BTBD8: variants seen among roughly 807,000 people sequenced by gnomAD.
The protein encoded by BTBD8 is BTB domain containing 8, also known as BTB/POZ domain-containing protein 8.
BTBD8 carries 110 observed loss-of-function variants against 162.9 expected under a neutral mutation model. The ratio of observed to expected loss-of-function variants is 0.68; its 90% CI spans 0.58 to 0.79. BTBD8 has a LOEUF of 0.79. Ranked by LOEUF, BTBD8 falls within the 30% of genes least tolerant of loss-of-function variation. BTBD8 has a pLI of 0.00. For missense variants in BTBD8, 1,905 were observed against 2,085.4 expected (o/e 0.91, Z 1.68); for synonymous variants, 667 against 716.1 (o/e 0.93, Z 1.10).
At chr1:92,110,546 C>T (rs772064844) in intron 4 of BTBD8, among the ~76,000 whole-genome samples, 1 of 152,116 alleles carries the variant, frequency 6.6e-6, no homozygotes, top group Non-Finnish European at 1.5e-5. Context: ...TTGTTGTGGA[C>T]CTCTGTAACA....
intron 2 of BTBD8, among the ~76,000 whole-genome samples, chr1:92,094,298 A>G (rs1648392947): frequency 6.6e-6 from 1 of 152,200 alleles, no homozygotes; most frequent in Admixed American, 6.5e-5. Flanking sequence ...TGTCTTGCAT[A>G]TAGAAAGCAC....
At chr1:92,116,187 G>A (rs1601023) in intron 4 of BTBD8, among the ~76,000 whole-genome samples, 1 of 151,748 alleles carries the variant, frequency 6.6e-6, no homozygotes, top group African/African-American at 2.4e-5. Context: ...TTAATTCCAT[G>A]GTGGTCATAG....
intron 16 of BTBD8, among the ~76,000 whole-genome samples, chr1:92,178,654 CTGT>C (rs1207132314): frequency 1.3e-5 from 2 of 151,960 alleles, no homozygotes; most frequent in African/African-American, 4.8e-5. Flanking sequence ...TTTTGTTGTT[CTGT>C]TGTTGTTATT....
At chr1:92,168,320 G>A (rs1447001083) in intron 11 of BTBD8, among the ~76,000 whole-genome samples, 1 of 13,968 alleles carries the variant, frequency 7.2e-5, no homozygotes, top group Non-Finnish European at 1.2e-4. Context: ...GATATAAAAT[G>A]TATATTTTAG....
At chr1:92,082,890 A>G (rs1296411861) in intron 1 of BTBD8, among the ~76,000 whole-genome samples, 1 of 152,148 alleles carries the variant, frequency 6.6e-6, no homozygotes, top group East Asian at 1.9e-4. Context: ...ACTATTTGCT[A>G]TACACTGGGC....
chr1:92,094,318 A>G (rs1275354508), intron 2 of BTBD8, among the ~76,000 whole-genome samples: 3 of 152,188 alleles, frequency 2.0e-5, no homozygotes, highest in Non-Finnish European at 4.4e-5. Flanking sequence ...CTTGTGACGT[A>G]CCCTTTTTTG....
intron 4 of BTBD8, among the ~76,000 whole-genome samples, chr1:92,122,908 A>G (rs1649255277): frequency 6.6e-6 from 1 of 152,208 alleles, no homozygotes; most frequent in South Asian, 2.1e-4. Flanking sequence ...TTAGCTTTGA[A>G]GTAAAACTAT....
chr1:92,142,461 G>C (rs1345099581), intron 7 of BTBD8, among the ~76,000 whole-genome samples: 1 of 152,206 alleles, frequency 6.6e-6, no homozygotes, highest in African/African-American at 2.4e-5. Flanking sequence ...TCTTAGGAGA[G>C]CTTGGAGTAT....
rs1647967501 is a variant in BTBD8, at chr1:92,080,473, A to T, written c.-99A>T. ...TTTACCCTAGGGGGCGGATTTGGGT[A>T]GGAGCCGAGCGTTCGGTCGGAAACG... On this transcript the variant is annotated 5_prime_UTR_variant, in exon 1 of 18. Coordinates refer to ENST00000636805, the MANE Select transcript of BTBD8 (RefSeq NM_001376131.1). 2.0e-6 allele frequency: 3 copies of T among 1,534,888 alleles called. No individual in the cohort carries two copies. Among genetic ancestry groups the T allele is most frequent in the Admixed American group, 4.3e-5 (2 of 47,002 alleles).
chr1:92,129,895 T>A lies in BTBD8; in HGVS notation c.752+119T>A. The stretch of plus-strand genomic sequence containing the variant: ...TCAAGGAAATATTTCTCATGTAGAA[T>A]TCAACAAAGTACATTTTCTGAAACG... On this transcript the variant is annotated intron_variant, in intron 5 of 17. Coordinates refer to ENST00000636805, the MANE Select transcript of BTBD8 (RefSeq NM_001376131.1). 3 of 847,770 alleles carry A rather than the reference T, an allele frequency of 3.5e-6. No individual in the cohort carries two copies. In the South Asian group the frequency reaches 4.6e-5, roughly 13 times the overall value. The allele number at this position is 847,770 out of a possible 1,614,324, so 52.5% of individuals were successfully genotyped here.
At chr1:92,182,721 T>A in intron 17 of BTBD8, 126 bp downstream of exon 17, 1 of 530,890 alleles carries the variant, frequency 1.9e-6, no homozygotes, top group Non-Finnish European at 3.1e-6. Flanking sequence ...CAGATTAAAA[T>A]TTTAAATGAA....
intron 7 of BTBD8, among the ~76,000 whole-genome samples, chr1:92,141,745 A>AGAT (rs1649779008): frequency 6.6e-6 from 1 of 152,224 alleles, no homozygotes; most frequent in Admixed American, 6.5e-5. Flanking sequence ...GAAGCCATTC[A>AGAT]TACATTATTC....
intron 2 of BTBD8, among the ~76,000 whole-genome samples, chr1:92,093,135 TATC>T (rs961363812): frequency 6.6e-6 from 1 of 151,958 alleles, no homozygotes; most frequent in Non-Finnish European, 1.5e-5. Flanking sequence ...AGAAAATCAC[TATC>T]ATTTTTCAGT....
chr1:92,176,929 T>C lies in BTBD8; in HGVS notation c.1736T>C (p.Met579Thr), dbSNP rs780491978. 22 of 1,539,450 alleles carry C rather than the reference T, an allele frequency of 1.4e-5. No homozygotes were observed. The highest frequency in any genetic ancestry group is 1.9e-5 in the Non-Finnish European group (22 of 1,141,488). ...CWSYLSTNKK[M>T]KSDGLGASGH... ...AGTTATCTCTCTACTAATAAAAAGATGAAATCTGATGGATTAGGAGCATCT... is the reference window on the plus strand; with the variant it reads ...AGTTATCTCTCTACTAATAAAAAGACGAAATCTGATGGATTAGGAGCATCT... The change falls in exon 14 of 18, where the codon ATG becomes ACG. Residue 579 changes from methionine (M) to threonine (T), a missense_variant. By Grantham distance (81) the Met-to-Thr change is moderately conservative. Around this residue, in one of 3 missense-constraint regions of BTBD8, gnomAD observed 1,374 missense variants for 1,442.7 expected, o/e 0.95. Transcript: ENST00000636805.
At chr1:92,110,040 A>G (rs1436212692) in intron 4 of BTBD8, among the ~76,000 whole-genome samples, 3 of 152,200 alleles carry the variant, frequency 2.0e-5, no homozygotes, top group Admixed American at 6.5e-5. Flanking sequence ...TATTAAGCTA[A>G]TATTTCATGG....
intron 5 of BTBD8, among the ~76,000 whole-genome samples, chr1:92,138,684 G>A (rs1649691032): frequency 6.6e-6 from 1 of 152,184 alleles, no homozygotes; most frequent in Non-Finnish European, 1.5e-5. Flanking sequence ...TTAGTATAGA[G>A]GAATAGAGGC....
chr1:92,106,766 G>A (rs961750450), intron 3 of BTBD8, among the ~76,000 whole-genome samples: 6 of 147,462 alleles, frequency 4.1e-5, no homozygotes, highest in Non-Finnish European at 8.9e-5. Context: ...AAGATAGATA[G>A]TTCAACAGTA....
intron 3 of BTBD8, among the ~76,000 whole-genome samples, chr1:92,105,096 C>G (rs1648692634): frequency 6.6e-6 from 1 of 152,092 alleles, no homozygotes; most frequent in South Asian, 2.1e-4. Context: ...CCACGCCTGG[C>G]TAATTTTTTA....
chr1:92,151,317 C>T (rs772411758), intron 9 of BTBD8, among the ~76,000 whole-genome samples: 1 of 150,582 alleles, frequency 6.6e-6, no homozygotes, highest in Non-Finnish European at 1.5e-5. Flanking sequence ...TTGTGCCATT[C>T]CACCTCAGCC....
Sources: allele counts gnomAD v4.1 joint callset (sites outside exome capture counted in the v4.1 genomes callset), GRCh38; gene constraint gnomAD v4.1.1; regional missense constraint gnomAD v4.1.1; transcripts MANE v1.5; gene names NCBI Gene and HGNC (gene_info 2026-07-23, HGNC 2026-07-21).